GPC5: variants seen among roughly 807,000 people sequenced by gnomAD.
The protein encoded by GPC5 is glypican 5, also known as glypican-5.
In GPC5, 47 loss-of-function variants were observed where a neutral mutation model predicts 53.9. The ratio of observed to expected loss-of-function variants is 0.87; its 90% CI spans 0.69 to 1.11. The LOEUF (loss-of-function observed/expected upper bound fraction) is 1.11, where lower values mean the gene tolerates loss of function less well. Ranked by LOEUF, GPC5 falls within the 50% of genes most tolerant of loss-of-function variation. GPC5 has a pLI of 0.00. For synonymous variants in GPC5, 286 were observed against 263.3 expected, an observed-to-expected ratio of 1.09 and a Z score of -0.84; for missense variants, 748 against 713.1, an observed-to-expected ratio of 1.05 and a Z score of -0.56.
At chr13:92,850,974 G>C (rs1047346546) in intron 7 of GPC5, among the ~76,000 whole-genome samples, 16 of 152,102 alleles carry the variant, frequency 1.1e-4, no homozygotes, top group African/African-American at 3.9e-4. Flanking sequence ...GGTTCTTTAG[G>C]CTGTACAGGA....
chr13:92,167,306 T>A (rs2042038779), intron 7 of GPC5, among the ~76,000 whole-genome samples: 1 of 152,158 alleles, frequency 6.6e-6, no homozygotes, highest in African/African-American at 2.4e-5. Context: ...AGGGCATTGA[T>A]GTATAGTGAG....
chr13:92,308,934 G>T (rs1013370071), intron 7 of GPC5, among the ~76,000 whole-genome samples: 4 of 152,092 alleles, frequency 2.6e-5, no homozygotes, highest in Admixed American at 6.5e-5. Flanking sequence ...CATCTTTAAA[G>T]GTACAGTCAT....
At chr13:91,974,282 G>A (rs1016642242) in intron 6 of GPC5, among the ~76,000 whole-genome samples, 1 of 152,192 alleles carries the variant, frequency 6.6e-6, no homozygotes, top group Non-Finnish European at 1.5e-5. Flanking sequence ...AATTAGGCAG[G>A]AGAATGAAAT....
At chr13:92,576,173 T>C (rs1371195866) in intron 7 of GPC5, among the ~76,000 whole-genome samples, 2 of 152,234 alleles carry the variant, frequency 1.3e-5, no homozygotes, top group South Asian at 2.1e-4. Context: ...TTCATAACAT[T>C]AGTTTTTGAC....
chr13:91,414,362 C>T (rs762718668), intron 1 of GPC5, among the ~76,000 whole-genome samples: 2 of 152,384 alleles, frequency 1.3e-5, no homozygotes, highest in Non-Finnish European at 2.9e-5. Context: ...TGCAAGTTTC[C>T]TGAGGCCTCT....
intron 6 of GPC5, among the ~76,000 whole-genome samples, chr13:91,989,622 G>C (rs993335738): frequency 3.9e-5 from 6 of 152,094 alleles, no homozygotes; most frequent in Non-Finnish European, 5.9e-5. Flanking sequence ...ACTAGAAATA[G>C]TCAGGTAAAT....
intron 5 of GPC5, among the ~76,000 whole-genome samples, chr13:91,818,818 G>C (rs1264837911): frequency 6.6e-6 from 1 of 152,142 alleles, no homozygotes; most frequent in Non-Finnish European, 1.5e-5. Context: ...ATGTTTTAGA[G>C]ACAAAGAGGA....
intron 2 of GPC5, among the ~76,000 whole-genome samples, chr13:91,583,784 G>A (rs1434913352): frequency 2.6e-5 from 4 of 152,100 alleles, no homozygotes; most frequent in African/African-American, 9.7e-5. Flanking sequence ...TAAATGTAAA[G>A]TGCAGATAAA....
rs541690687 is a variant in GPC5, at chr13:91,640,230, CTCTA to C, written c.326-52949_326-52946del. On this transcript the variant is annotated intron_variant, in intron 2 of 7. Transcript: ENST00000377067. ...TACAGAGTGGGAGAAAATTTTTGCT[CTCTA>C]TCTATCTGATAAAGGTCTAGTATCT... Among the ~76,000 whole-genome samples, 756 of 152,192 alleles carry C rather than the reference CTCTA, an allele frequency of 5.0e-3. 4 individuals are homozygous for C. Among genetic ancestry groups the C allele is most frequent in the Non-Finnish European group, 7.5e-3 (509 of 67,998 alleles).
At chr13:91,530,859 C>G (rs1886309869) in intron 2 of GPC5, among the ~76,000 whole-genome samples, 1 of 152,088 alleles carries the variant, frequency 6.6e-6, no homozygotes. Flanking sequence ...CCAATTTGGC[C>G]ATATTCTTAA....
intron 7 of GPC5, among the ~76,000 whole-genome samples, chr13:92,537,430 T>G (rs771860246): frequency 6.6e-6 from 1 of 152,172 alleles, no homozygotes; most frequent in Non-Finnish European, 1.5e-5. Flanking sequence ...AGTTTTAATT[T>G]TTATGTGATT....
chr13:91,446,388 G>T (rs1430110563), intron 1 of GPC5, among the ~76,000 whole-genome samples: 1 of 152,020 alleles, frequency 6.6e-6, no homozygotes. Context: ...TTTATTTTTG[G>T]TTTTGTTTTA....
At chr13:92,023,019 A>T (rs9560899) in intron 6 of GPC5, among the ~76,000 whole-genome samples, 63,529 of 151,822 alleles carry the variant, frequency 0.42, 13,815 homozygotes, top group Admixed American at 0.51. Context: ...TATTACGATT[A>T]ATAAAATATT....
intron 7 of GPC5, among the ~76,000 whole-genome samples, chr13:92,398,530 C>T (rs1399190723): frequency 6.6e-6 from 1 of 151,582 alleles, no homozygotes; most frequent in Non-Finnish European, 1.5e-5. Context: ...CTCCCAATCC[C>T]TTCCTCCCTT....
intron 7 of GPC5, among the ~76,000 whole-genome samples, chr13:92,740,960 G>GTGTGTATATATATATATATATATATA (rs35795926): frequency 8.5e-6 from 1 of 117,698 alleles, no homozygotes; most frequent in East Asian, 2.3e-4. Context: ...ATATGTATGT[G>GTGTGTATATATATATATATATATATA]TATATATATA....
chr13:92,147,303 A>AT (rs1031952384), intron 7 of GPC5, among the ~76,000 whole-genome samples: 1 of 151,944 alleles, frequency 6.6e-6, no homozygotes, highest in Non-Finnish European at 1.5e-5. Context: ...TATCTGGAGT[A>AT]TTTATTTGTA....
At chr13:92,403,097 G>A (rs535632262) in intron 7 of GPC5, among the ~76,000 whole-genome samples, 1 of 152,224 alleles carries the variant, frequency 6.6e-6, no homozygotes, top group East Asian at 1.9e-4. Flanking sequence ...GAAGTGCTGT[G>A]CTATATTCTC....
chr13:92,087,982 C>A (rs2041349255), intron 6 of GPC5, among the ~76,000 whole-genome samples: 1 of 151,432 alleles, frequency 6.6e-6, no homozygotes, highest in Non-Finnish European at 1.5e-5. Flanking sequence ...ATTGACCAGG[C>A]TGGTCTTCAA....
intron 2 of GPC5, among the ~76,000 whole-genome samples, chr13:91,688,423 A>T (rs955134703): frequency 2.0e-5 from 3 of 152,184 alleles, no homozygotes; most frequent in Non-Finnish European, 1.5e-5. Context: ...ATATAAAAAT[A>T]TGTATATTAC....
Sources: allele counts gnomAD v4.1 joint callset (sites outside exome capture counted in the v4.1 genomes callset), GRCh38; gene constraint gnomAD v4.1.1; transcripts MANE v1.5; gene names NCBI Gene and HGNC (gene_info 2026-07-23, HGNC 2026-07-21).